The following MAML2 variants were observed in gnomAD, a reference collection of about 807,000 sequenced individuals.
MAML2 encodes the protein mastermind like transcriptional coactivator 2.
In MAML2, 22 loss-of-function variants were observed where a neutral mutation model predicts 96.1. The ratio of observed to expected loss-of-function variants is 0.23; its 90% CI spans 0.16 to 0.33. The LOEUF is 0.33. Ranked by LOEUF, MAML2 falls within the 10% of genes least tolerant of loss-of-function variation. The probability of loss-of-function intolerance (pLI) is 1.00; values close to 1 mark genes in which losing one functional copy is unlikely to be tolerated. For missense variants in MAML2, 1,367 were observed against 1,392.4 expected (o/e 0.98, Z 0.29); for synonymous variants, 561 against 521.3 (o/e 1.08, Z -1.04).
chr11:96,279,626 C>A (rs1206214196), intron 1 of MAML2, among the ~76,000 whole-genome samples: 10 of 152,176 alleles, frequency 6.6e-5, no homozygotes, highest in Non-Finnish European at 1.3e-4. Context: ...TGACACTCTC[C>A]ACTCCCCTGA....
In MAML2 at chr11:96,312,219, C is replaced by CAAAA. The variant is rs34658278; in HGVS notation, c.513+29160_513+29163dup. On this transcript the variant is annotated intron_variant, in intron 1 of 4. Coordinates refer to ENST00000524717, the MANE Select transcript of MAML2 (RefSeq NM_032427.4). Reference sequence around the variant, plus strand: ...TGGGCGACAGAGCAAGACTCTATCTCAAAAAAAAAAAAAAAAAAAAAAAAA... The same window carrying CAAAA: ...TGGGCGACAGAGCAAGACTCTATCTCAAAAAAAAAAAAAAAAAAAAAAAAAAAAA... 1.0e-3 allele frequency among the ~76,000 whole-genome samples: 53 copies of CAAAA among 51,470 alleles called. 1 individual carries two copies. The highest frequency in any genetic ancestry group is 1.6e-3 in the African/African-American group (17 of 10,690). 33.8% of individuals were successfully genotyped at this position (51,470 alleles called of 152,430 possible).
At chr11:96,074,424 A>C (rs1859399646) in intron 2 of MAML2, among the ~76,000 whole-genome samples, 1 of 152,228 alleles carries the variant, frequency 6.6e-6, no homozygotes, top group African/African-American at 2.4e-5. Flanking sequence ...GTCACATGAG[A>C]GTTTCATCAG....
intron 1 of MAML2, among the ~76,000 whole-genome samples, chr11:96,261,527 A>G (rs1295363198): frequency 6.6e-6 from 1 of 152,222 alleles, no homozygotes; most frequent in Non-Finnish European, 1.5e-5. Flanking sequence ...ATTTATGTTT[A>G]TACAAGCCTA....
chr11:96,206,970 G>T (rs1410321681), intron 1 of MAML2, among the ~76,000 whole-genome samples: 2 of 152,056 alleles, frequency 1.3e-5, no homozygotes, highest in Non-Finnish European at 2.9e-5. Flanking sequence ...CATAAAAAAG[G>T]GGCAGGGAAA....
intron 1 of MAML2, among the ~76,000 whole-genome samples, chr11:96,203,678 T>A (rs993938702): frequency 1.3e-5 from 2 of 152,302 alleles, no homozygotes; most frequent in Admixed American, 1.3e-4. Context: ...ATGAACATAC[T>A]TACTAATTCA....
chr11:96,126,700 G>T (rs951313257), intron 1 of MAML2, among the ~76,000 whole-genome samples: 3 of 152,180 alleles, frequency 2.0e-5, no homozygotes, highest in Non-Finnish European at 4.4e-5. Flanking sequence ...ACTGGGAAGC[G>T]CTTTGAAAGC....
chr11:96,153,736 C>A (rs1236972716), intron 1 of MAML2, among the ~76,000 whole-genome samples: 1 of 151,796 alleles, frequency 6.6e-6, no homozygotes, highest in Non-Finnish European at 1.5e-5. Context: ...AAGGTGAAAC[C>A]CCATCTCTAC....
At chr11:96,072,662 AAGG>A (rs1859365206) in intron 2 of MAML2, among the ~76,000 whole-genome samples, 1 of 152,186 alleles carries the variant, frequency 6.6e-6, no homozygotes, top group African/African-American at 2.4e-5. Context: ...GCTCGCTGTC[AAGG>A]AGAAGGCCAC....
chr11:96,307,002 A>G (rs1439145062), intron 1 of MAML2, among the ~76,000 whole-genome samples: 1 of 152,208 alleles, frequency 6.6e-6, no homozygotes, highest in East Asian at 1.9e-4. Context: ...CCCTGATTAA[A>G]GTGATCCTGC....
In MAML2 at chr11:96,026,700, T is replaced by A. The variant is rs192601730; in HGVS notation, c.2140-34977A>T. On this transcript the variant is annotated intron_variant, in intron 2 of 4. Transcript: ENST00000524717. ...TAAAATTCAACAGGATATAAAAGAA[T>A]CCATTTATATTTATATGTAGTAGAT... Among the ~76,000 whole-genome samples, 803 of 151,772 alleles carry A rather than the reference T, an allele frequency of 5.3e-3. 9 individuals carry two copies. The highest frequency in any genetic ancestry group is 0.019 in the African/African-American group (769 of 41,346).
At chr11:96,210,518 C>T (rs1861955463) in intron 1 of MAML2, among the ~76,000 whole-genome samples, 1 of 152,172 alleles carries the variant, frequency 6.6e-6, no homozygotes, top group African/African-American at 2.4e-5. Flanking sequence ...GGTATTCATT[C>T]ATTTAATATA....
chr11:96,115,664 T>C (rs1860222737), intron 1 of MAML2, among the ~76,000 whole-genome samples: 2 of 151,992 alleles, frequency 1.3e-5, no homozygotes, highest in Non-Finnish European at 2.9e-5. Context: ...TGGAGTCCAG[T>C]GGGGAAGACT....
In MAML2 at chr11:95,979,933, T is replaced by A. The variant is rs764360959; in HGVS notation, c.2486A>T (p.Asn829Ile). Residue 829 changes from asparagine (N) to isoleucine (I), a missense_variant, in exon 5 of 5, where the codon AAC (asparagine) becomes ATC (isoleucine). Coordinates refer to ENST00000524717, the MANE Select transcript of MAML2 (RefSeq NM_032427.4). ...GGSSTISLNS[N>I]QALANPVSTH... The stretch of plus-strand genomic sequence containing the variant: ...TGAAACTGGGTTTGCCAAAGCCTGG[T>A]TAGAGTTTAAGCTTATTGTGGATGA... The A allele has an allele frequency of 1.9e-6, 3 of 1,613,708 alleles. No homozygotes were observed. In the Admixed American group the frequency reaches 5.0e-5, roughly 27 times the overall value.
intron 2 of MAML2, among the ~76,000 whole-genome samples, chr11:96,007,205 G>T (rs1269892157): frequency 2.0e-5 from 3 of 149,670 alleles, no homozygotes; most frequent in Non-Finnish European, 4.4e-5. Context: ...TAGAGATGAG[G>T]TTTCACCATG....
At chr11:96,060,534 T>C (rs536214772) in intron 2 of MAML2, among the ~76,000 whole-genome samples, 3 of 152,226 alleles carry the variant, frequency 2.0e-5, no homozygotes, top group Admixed American at 6.5e-5. Flanking sequence ...ATTTCAAATA[T>C]AACAGAAACA....
rs575317696 is a variant in MAML2, at chr11:96,194,309, A to T, written c.514-100792T>A. ...CTTCAGTCCCAGTGTCTGAACTGGC[A>T]ATACTGTGTATACATAGTTGAAGCT... On this transcript the variant is annotated intron_variant, in intron 1 of 4. Transcript: ENST00000524717. Among the ~76,000 whole-genome samples the T allele has an allele frequency of 6.6e-5, 10 of 152,346 alleles. No individual in the cohort carries two copies. The South Asian group carries it at 1.7e-3, about 25-fold the overall frequency.
At chr11:96,011,059 A>C (rs1013984832) in intron 2 of MAML2, among the ~76,000 whole-genome samples, 33 of 152,210 alleles carry the variant, frequency 2.2e-4, no homozygotes, top group African/African-American at 6.5e-4. Context: ...TCTTATTAAA[A>C]AGTCAAAATA....
intron 2 of MAML2, among the ~76,000 whole-genome samples, chr11:96,088,413 T>G (rs1859652055): frequency 6.6e-6 from 1 of 152,168 alleles, no homozygotes; most frequent in South Asian, 2.1e-4. Context: ...GTTCAAGAGG[T>G]AAGCACTTTT....
intron 1 of MAML2, among the ~76,000 whole-genome samples, chr11:96,336,882 A>G (rs991008173): frequency 1.3e-5 from 2 of 152,276 alleles, no homozygotes; most frequent in Non-Finnish European, 2.9e-5. Context: ...ATTACGATTT[A>G]GAAACATTTG....
Sources: allele counts gnomAD v4.1 joint callset (sites outside exome capture counted in the v4.1 genomes callset), GRCh38; gene constraint gnomAD v4.1.1; transcripts MANE v1.5; gene names NCBI Gene and HGNC (gene_info 2026-07-23, HGNC 2026-07-21).